Variants in ASTN2 observed in about 807,000 individuals in gnomAD.
ASTN2 encodes astrotactin-2.
A neutral mutation model predicts 139.8 loss-of-function variants in ASTN2; 54 were observed. The observed-to-expected ratio is 0.39, with a 90% CI of 0.31 to 0.48. The LOEUF is 0.48. Ranked by LOEUF, ASTN2 falls within the 20% of genes least tolerant of loss-of-function variation. The pLI is 0.95. For synonymous variants in ASTN2, 756 were observed against 719.5 expected (o/e 1.05, Z -0.81); for missense variants, 1,565 against 1,725.1 (o/e 0.91, Z 1.64).
intron 4 of ASTN2, among the ~76,000 whole-genome samples, chr9:117,105,423 G>A (rs1043091047): frequency 2.0e-5 from 3 of 152,048 alleles, no homozygotes; most frequent in Non-Finnish European, 4.4e-5. Context: ...CCCATCCCAG[G>A]TGGCAAAAAC....
At chr9:116,684,450 T>C (rs1860075416) in intron 16 of ASTN2, among the ~76,000 whole-genome samples, 1 of 152,168 alleles carries the variant, frequency 6.6e-6, no homozygotes, top group African/African-American at 2.4e-5. Context: ...AATCCTAAAT[T>C]ATTTGTGGGT....
chr9:116,529,425 T>C (rs1171078200), intron 19 of ASTN2, among the ~76,000 whole-genome samples: 5 of 152,192 alleles, frequency 3.3e-5, no homozygotes, highest in Non-Finnish European at 7.3e-5. Context: ...CCATTGTATC[T>C]TAGAAGTAAC....
intron 20 of ASTN2, among the ~76,000 whole-genome samples, chr9:116,453,194 G>A (rs111691514): frequency 8.7e-4 from 133 of 152,286 alleles, no homozygotes; most frequent in African/African-American, 3.1e-3. Flanking sequence ...AAAAGACTGA[G>A]TTTGCATCAT....
intron 1 of ASTN2, among the ~76,000 whole-genome samples, chr9:117,310,426 A>G (rs539593100): frequency 6.6e-6 from 1 of 152,208 alleles, no homozygotes; most frequent in South Asian, 2.1e-4. Flanking sequence ...TTTCTAGTAC[A>G]GTGTAGTAAA....
chr9:116,840,982 C>T (rs540749820), intron 11 of ASTN2, among the ~76,000 whole-genome samples: 351 of 152,180 alleles, frequency 2.3e-3, no homozygotes, highest in Non-Finnish European at 3.1e-3. Flanking sequence ...GGGTGGCGGC[C>T]GGGCAGAGGC....
chr9:116,794,872 G>A (rs1830650637), intron 13 of ASTN2, among the ~76,000 whole-genome samples: 1 of 152,220 alleles, frequency 6.6e-6, no homozygotes. Flanking sequence ...GTGCAGTCCA[G>A]CAAGGCTTGC....
intron 20 of ASTN2, among the ~76,000 whole-genome samples, chr9:116,451,299 C>T (rs1239397009): frequency 6.6e-6 from 1 of 152,178 alleles, no homozygotes; most frequent in Admixed American, 6.5e-5. Flanking sequence ...AAATTAAATA[C>T]ATATAAATTC....
At chr9:117,030,091 G>A (rs1330349651) in intron 6 of ASTN2, among the ~76,000 whole-genome samples, 1 of 152,098 alleles carries the variant, frequency 6.6e-6, no homozygotes, top group Non-Finnish European at 1.5e-5. Context: ...CAGATGAACA[G>A]GTCTGGAATG....
intron 19 of ASTN2, among the ~76,000 whole-genome samples, chr9:116,561,782 G>A (rs1564117265): frequency 6.6e-6 from 1 of 152,148 alleles, no homozygotes; most frequent in South Asian, 2.1e-4. Context: ...TTTTATTGTT[G>A]AGACTATTTG....
At chr9:117,016,728 A>ATATATATAGGTTATATATAGGTTT (rs1564386210) in intron 6 of ASTN2, among the ~76,000 whole-genome samples, 8 of 29,938 alleles carry the variant, frequency 2.7e-4, no homozygotes, top group African/African-American at 5.8e-4. Context: ...TATATATGTT[A>ATATATATAGGTTATATATAGGTTT]TATATATAGG....
At chr9:116,740,632 C>G (rs1031705071) in intron 13 of ASTN2, among the ~76,000 whole-genome samples, 3 of 151,924 alleles carry the variant, frequency 2.0e-5, no homozygotes, top group African/African-American at 7.3e-5. Context: ...CCTGCCTCAG[C>G]CTCCCGAGTA....
In ASTN2 at chr9:116,717,913, C is replaced by T. The variant is rs1828359384; in HGVS notation, c.2806+7858G>A. ...AAGGCATTTATGACCCTCCCAGGCT[C>T]ACTCAATCTCACTCACTCATTTATT... On this transcript the variant is annotated intron_variant, in intron 16 of 22. Coordinates refer to ENST00000313400, the MANE Select transcript of ASTN2 (RefSeq NM_001365068.1). Among the ~76,000 whole-genome samples the T allele has an allele frequency of 2.6e-5, 4 of 152,308 alleles. No individual in the cohort carries two copies. In the South Asian group the frequency reaches 8.3e-4, roughly 32 times the overall value.
At chr9:116,521,809 A>AAAC (rs1850886774) in intron 19 of ASTN2, among the ~76,000 whole-genome samples, 1 of 150,766 alleles carries the variant, frequency 6.6e-6, no homozygotes, top group Non-Finnish European at 1.5e-5. Context: ...ATCAGCAAGA[A>AAAC]AAACAAACAA....
intron 11 of ASTN2, among the ~76,000 whole-genome samples, chr9:116,840,532 C>CA (rs1832195078): frequency 8.5e-6 from 1 of 118,330 alleles, no homozygotes; most frequent in African/African-American, 3.4e-5. Flanking sequence ...CCCTCCTGGA[C>CA]GGGGCGGCTG....
At chr9:116,565,388 CATATATATAT>C (rs1164878126) in intron 19 of ASTN2, among the ~76,000 whole-genome samples, 3 of 34,024 alleles carry the variant, frequency 8.8e-5, no homozygotes, top group African/African-American at 4.2e-4. Context: ...TCTCTCTCTC[CATATATATAT>C]ATATATATAT....
intron 20 of ASTN2, among the ~76,000 whole-genome samples, chr9:116,452,425 C>T (rs1267550154): frequency 2.6e-5 from 4 of 152,210 alleles, no homozygotes; most frequent in African/African-American, 9.7e-5. Context: ...GCCCTCTCTG[C>T]ACCTCAGTGG....
chr9:117,276,331 C>T (rs1252453777), intron 2 of ASTN2, among the ~76,000 whole-genome samples: 1 of 152,194 alleles, frequency 6.6e-6, no homozygotes, highest in African/African-American at 2.4e-5. Context: ...AACAGACTCT[C>T]CTCTCCCATA....
chr9:117,122,704 CTT>C (rs1400695557), intron 4 of ASTN2, among the ~76,000 whole-genome samples: 2 of 152,090 alleles, frequency 1.3e-5, no homozygotes, highest in East Asian at 3.9e-4. Context: ...ACTTAAAAGA[CTT>C]TATGAAGTCA....
At chr9:117,291,852 T>C (rs576625213) in intron 1 of ASTN2, among the ~76,000 whole-genome samples, 1 of 152,278 alleles carries the variant, frequency 6.6e-6, no homozygotes, top group South Asian at 2.1e-4. Flanking sequence ...TTTGTGGCTA[T>C]GGAACTAGAA....
Sources: gnomAD v4.1 joint callset for allele counts (sites outside exome capture counted in the v4.1 genomes callset) on GRCh38, gnomAD v4.1.1 for gene constraint, MANE v1.5 for transcripts, NCBI Gene and HGNC (gene_info 2026-07-23, HGNC 2026-07-21) for gene names.